SNRPA1: variants seen among roughly 807,000 people sequenced by gnomAD.
SNRPA1 encodes U2 small nuclear ribonucleoprotein A'.
Under a neutral mutation model 32.3 loss-of-function variants are expected in SNRPA1, and 5 were observed. The ratio of observed to expected loss-of-function variants is 0.15; its 90% confidence interval spans 0.08 to 0.33. The LOEUF (loss-of-function observed/expected upper bound fraction) is 0.33, where lower values mean the gene tolerates loss of function less well. Ranked by LOEUF, SNRPA1 falls within the 10% of genes least tolerant of loss-of-function variation. SNRPA1 has a pLI of 1.00. For missense variants in SNRPA1, 198 were observed against 311.1 expected (o/e 0.64, Z 2.74); for synonymous variants, 111 against 120.1 (o/e 0.92, Z 0.50).
rs2039415783 is a variant in SNRPA1, at chr15:101,283,176, G to A, written c.710-1394C>T. Among the ~76,000 whole-genome samples, 3 of 152,204 alleles carry A rather than the reference G, an allele frequency of 2.0e-5. No individual in the cohort carries two copies. In the South Asian group the frequency reaches 6.2e-4, roughly 32 times the overall value. On this transcript the variant is annotated intron_variant, in intron 8 of 8. Coordinates refer to ENST00000254193, the MANE Select transcript of SNRPA1 (RefSeq NM_003090.4). Reference sequence around the variant, plus strand: ...CTGCTGCCTTGACTCCTACTGAGGTGCCCGCAGTTCTACCCACTATTGCTC... The same window carrying A: ...CTGCTGCCTTGACTCCTACTGAGGTACCCGCAGTTCTACCCACTATTGCTC...
chr15:101,283,507 A>G (rs1433483857), intron 8 of SNRPA1, among the ~76,000 whole-genome samples: 1 of 151,564 alleles, frequency 6.6e-6, no homozygotes, highest in East Asian at 1.9e-4. Flanking sequence ...CGGAGCTTGC[A>G]GTGAGGTGAG....
chr15:101,289,033 G>A (rs1280507680), intron 3 of SNRPA1, among the ~76,000 whole-genome samples: 3 of 152,120 alleles, frequency 2.0e-5, no homozygotes, highest in Non-Finnish European at 2.9e-5. Flanking sequence ...ATAAAAACAG[G>A]GAGAGCAGAG....
chr15:101,289,223 C>A (rs2039492765), intron 3 of SNRPA1, among the ~76,000 whole-genome samples: 1 of 152,088 alleles, frequency 6.6e-6, no homozygotes. Context: ...TAGTGATGGG[C>A]TTCAAAAAAG....
chr15:101,281,836 T>C (rs998941253), intron 8 of SNRPA1, 54 bp from the exon 9 acceptor site: 7 of 1,536,130 alleles, frequency 4.6e-6, no homozygotes, highest in Non-Finnish European at 6.3e-6. Context: ...ATCCATTCCC[T>C]TAGCATGCAA....
Position 101,286,395 on chromosome 15 carries a change from G to A in SNRPA1, c.460-102C>T, listed in dbSNP as rs779466815. The A allele has an allele frequency of 1.1e-5, 11 of 1,000,140 alleles. No individual in the cohort carries two copies. The Middle Eastern group carries it at 6.4e-4, about 59-fold the overall frequency. The allele number at this position is 1,000,140 out of a possible 1,614,324, so 62.0% of individuals were successfully genotyped here. On this transcript the variant is annotated intron_variant, in intron 5 of 8. Transcript: ENST00000254193. ...GAAGCGAACTCTCCTACAGTACTCC[G>A]GGCTGGTGAAAATACCAAAAAGCAA...
At chr15:101,284,208 C>G (rs1214689537) in intron 8 of SNRPA1, among the ~76,000 whole-genome samples, 1 of 152,042 alleles carries the variant, frequency 6.6e-6, no homozygotes, top group Non-Finnish European at 1.5e-5. Context: ...CTCTCAGCCT[C>G]TCGGCAACCT....
chr15:101,285,244 A>G, intron 7 of SNRPA1, 184 bp from the exon 8 acceptor site: 1 of 544,392 alleles, frequency 1.8e-6, no homozygotes, highest in Non-Finnish European at 3.3e-6. Flanking sequence ...CCAAACCACA[A>G]ATTTCTAAAA....
chr15:101,285,089 T>C, intron 7 of SNRPA1, 29 bp from the exon 8 acceptor site: 1 of 1,520,380 alleles, frequency 6.6e-7, no homozygotes, highest in Non-Finnish European at 9.1e-7. Flanking sequence ...TGGAGATGGA[T>C]GATTAACTTC....
At chr15:101,294,753 G>T in intron 1 of SNRPA1, 1 of 292,294 alleles carries the variant, frequency 3.4e-6, no homozygotes, top group Non-Finnish European at 6.3e-6. Flanking sequence ...CCCTGCACTT[G>T]CGTTACAACC....
At chr15:101,289,221 G>A (rs1217281215) in intron 3 of SNRPA1, among the ~76,000 whole-genome samples, 1 of 152,118 alleles carries the variant, frequency 6.6e-6, no homozygotes, top group Non-Finnish European at 1.5e-5. Flanking sequence ...TGTAGTGATG[G>A]GCTTCAAAAA....
At chr15:101,295,030 G>T in intron 1 of SNRPA1, 67 bp downstream of exon 1, 2 of 1,100,100 alleles carry the variant, frequency 1.8e-6, no homozygotes, top group Non-Finnish European at 2.5e-6. Flanking sequence ...GGTGCACGCG[G>T]CAAAGCGCGG....
intron 2 of SNRPA1, among the ~76,000 whole-genome samples, chr15:101,292,307 T>G (rs561413289): frequency 1.2e-4 from 18 of 152,320 alleles, no homozygotes; most frequent in Non-Finnish European, 2.2e-4. Flanking sequence ...TGGCACAAAC[T>G]ACTTAACTCA....
intron 1 of SNRPA1, among the ~76,000 whole-genome samples, chr15:101,293,832 C>T (rs1290546770): frequency 2.0e-5 from 3 of 152,182 alleles, no homozygotes; most frequent in Non-Finnish European, 4.4e-5. Context: ...AAAGAACTTA[C>T]CCAAAGTTAA....
At chr15:101,287,224 G>A (rs1384934447) in intron 4 of SNRPA1, among the ~76,000 whole-genome samples, 1 of 152,138 alleles carries the variant, frequency 6.6e-6, no homozygotes, top group Non-Finnish European at 1.5e-5. Context: ...TAGGGTACAT[G>A]TGCACAACTT....
At chr15:101,291,059 T>C (rs981309065) in intron 3 of SNRPA1, among the ~76,000 whole-genome samples, 5 of 152,106 alleles carry the variant, frequency 3.3e-5, no homozygotes, top group African/African-American at 9.7e-5. Context: ...AAATTACTTA[T>C]AGAGAGAGAC....
At chr15:101,293,372 C>G in intron 1 of SNRPA1, 200 bp from the exon 2 acceptor site, 2 of 435,348 alleles carry the variant, frequency 4.6e-6, no homozygotes, top group South Asian at 9.8e-5. Flanking sequence ...TCTCAAGTCC[C>G]CAGTGCCATG....
chr15:101,288,392 G>A (rs34314457), intron 3 of SNRPA1: 37,871 of 151,762 alleles, frequency 0.25, 5,408 homozygotes, highest in Middle Eastern at 0.34. Flanking sequence ...GACTACAGGC[G>A]CCCACCACCA....
intron 8 of SNRPA1, among the ~76,000 whole-genome samples, chr15:101,284,346 C>T (rs1288174951): frequency 4.6e-5 from 7 of 152,132 alleles, no homozygotes; most frequent in Non-Finnish European, 1.5e-5. Context: ...AGCCTGTGTT[C>T]CTAACTACTG....
chr15:101,291,082 T>C (rs1366733248), intron 3 of SNRPA1, among the ~76,000 whole-genome samples: 13 of 152,104 alleles, frequency 8.5e-5, no homozygotes, highest in African/African-American at 2.9e-4. Context: ...GGTCTCACTA[T>C]GTTGCCCAGG....
Sources: allele counts gnomAD v4.1 joint callset (sites outside exome capture counted in the v4.1 genomes callset), GRCh38; gene constraint gnomAD v4.1.1; transcripts MANE v1.5; gene names NCBI Gene and HGNC (gene_info 2026-07-23, HGNC 2026-07-21).